ZNF25: variants seen among roughly 807,000 people sequenced by gnomAD.
The protein encoded by ZNF25 is zinc finger protein 25.
Under a neutral mutation model 30.9 loss-of-function variants are expected in ZNF25, and 21 were observed. The observed-to-expected ratio is 0.68, with a 90% confidence interval of 0.48 to 0.98. The LOEUF is 0.98. ZNF25 is among the 50% of genes least tolerant of loss of function. The probability of loss-of-function intolerance (pLI) is 0.00; values close to 1 mark genes in which losing one functional copy is unlikely to be tolerated. For synonymous variants in ZNF25, 169 were observed against 181.3 expected (o/e 0.93, Z 0.55); for missense variants, 501 against 529.9 (o/e 0.95, Z 0.54).
rs2062233740 is a variant in ZNF25, at chr10:37,952,697, A to G, written c.801T>C (p.Phe267=). The change falls in exon 6 of 6, where the codon TTT becomes TTC. Residue 267 remains phenylalanine (F), a synonymous_variant. Coordinates refer to ENST00000302609, the MANE Select transcript of ZNF25 (RefSeq NM_145011.4). ...GTACTGTGAGGTGTGACTTCTGGGA[A>G]AAGGCTTTCCCACACTCCTTACACT... ...PYECKECGKA[F]SQKSHLTVHQ... is the part of the protein sequence containing the mutation. 1 of 1,609,538 alleles carries G rather than the reference A, an allele frequency of 6.2e-7. No homozygotes were observed. Among genetic ancestry groups the G allele is most frequent in the African/African-American group, 1.4e-5 (1 of 73,338 alleles).
chr10:37,963,234 C>A (rs965656171), intron 2 of ZNF25, among the ~76,000 whole-genome samples: 1 of 151,936 alleles, frequency 6.6e-6, no homozygotes, highest in African/African-American at 2.4e-5. Context: ...GCACTTCCCC[C>A]GCCCCAGGCT....
intron 1 of ZNF25, among the ~76,000 whole-genome samples, chr10:37,973,392 G>GA (rs1427230060): frequency 6.6e-6 from 1 of 151,864 alleles, no homozygotes; most frequent in East Asian, 1.9e-4. Flanking sequence ...TAGGCAGGTG[G>GA]ATCACCTGAG....
At chr10:37,967,569 C>G (rs956880254) in intron 2 of ZNF25, among the ~76,000 whole-genome samples, 1 of 152,062 alleles carries the variant, frequency 6.6e-6, no homozygotes, top group African/African-American at 2.4e-5. Flanking sequence ...CACCACCCAC[C>G]TGGCTAATTT....
rs772633315 is a variant in ZNF25, at chr10:37,949,797, G to A, written c.*2330C>T. 6.6e-6 allele frequency: 1 copy of A among 152,562 alleles called. No homozygotes were observed. The highest frequency in any genetic ancestry group is 2.4e-5 in the African/African-American group (1 of 41,438). 9.5% of individuals were successfully genotyped at this position (152,562 alleles called of 1,614,324 possible). On this transcript the variant is annotated 3_prime_UTR_variant, in exon 6 of 6. Coordinates refer to ENST00000302609, the MANE Select transcript of ZNF25 (RefSeq NM_145011.4). ...AAAGAAAATTATAAAATGATACAGG[G>A]AAAACTGGCCATTGATTTGGGAGAA... is the stretch of plus-strand genomic sequence containing the variant.
At chr10:37,966,553 G>T (rs1200339716) in intron 2 of ZNF25, among the ~76,000 whole-genome samples, 1 of 152,190 alleles carries the variant, frequency 6.6e-6, no homozygotes, top group East Asian at 1.9e-4. Flanking sequence ...AGAAGGTGAA[G>T]GAGAAGTTGG....
At chr10:37,959,831 A>C (rs188133948) in intron 2 of ZNF25, among the ~76,000 whole-genome samples, 9 of 151,872 alleles carry the variant, frequency 5.9e-5, no homozygotes, top group African/African-American at 1.2e-4. Context: ...GCTGGTCTCG[A>C]ACTCCTGACC....
chr10:37,976,296 C>T (rs913045520), intron 1 of ZNF25, among the ~76,000 whole-genome samples: 7 of 152,194 alleles, frequency 4.6e-5, no homozygotes, highest in Non-Finnish European at 1.0e-4. Context: ...GCGCCCACTG[C>T]CCAGCACCGC....
intron 2 of ZNF25, among the ~76,000 whole-genome samples, chr10:37,957,829 A>T (rs376299980): frequency 6.6e-6 from 1 of 152,256 alleles, no homozygotes; most frequent in East Asian, 1.9e-4. Flanking sequence ...GACAAATTCC[A>T]TATATGATGA....
chr10:37,963,565 T>C (rs761769276), intron 2 of ZNF25, among the ~76,000 whole-genome samples: 8 of 152,014 alleles, frequency 5.3e-5, no homozygotes, highest in South Asian at 2.1e-4. Context: ...AGTGTGGGAG[T>C]TGGGGACTGG....
intron 1 of ZNF25, among the ~76,000 whole-genome samples, chr10:37,975,128 A>G (rs184757211): frequency 6.6e-6 from 1 of 152,258 alleles, no homozygotes; most frequent in Admixed American, 6.5e-5. Context: ...GGAGTGAGGA[A>G]TGAAGAGAGG....
In ZNF25 at chr10:37,957,057, C is replaced by A; in HGVS notation, c.201G>T (p.Trp67Cys). 1.2e-6 allele frequency: 2 copies of A among 1,614,094 alleles called. No individual in the cohort carries two copies. Among genetic ancestry groups the A allele is most frequent in the Non-Finnish European group, 1.7e-6 (2 of 1,180,014 alleles). Residue 67 changes from tryptophan to cysteine, a missense_variant, in exon 4 of 6, where the codon TGG (tryptophan) becomes TGT (cysteine). Coordinates refer to ENST00000302609, the MANE Select transcript of ZNF25 (RefSeq NM_145011.4). The part of the protein sequence containing the change: ...VFKLKQGKEP[W>C]ILEVEFPHRG... ...GATGTGGAAATTCTACTTCTAATAT[C>A]CATGGCTCTTTTCCTTGCTTCAACT...
rs915930946 is a variant in ZNF25, at chr10:37,958,866, G to A, written c.16-1320C>T. The stretch of plus-strand genomic sequence containing the variant: ...AGTTTGAGACCAGCCTGGCCAACAC[G>A]GCAAATCCCCATCTCTACTAAAAAA... On this transcript the variant is annotated intron_variant, in intron 2 of 5. Coordinates refer to ENST00000302609, the MANE Select transcript of ZNF25 (RefSeq NM_145011.4). Among the ~76,000 whole-genome samples the A allele has an allele frequency of 2.6e-5, 4 of 152,082 alleles. No homozygotes were observed. The East Asian group carries it at 5.8e-4, about 22-fold the overall frequency.
intron 4 of ZNF25, among the ~76,000 whole-genome samples, chr10:37,955,561 G>C (rs2062463140): frequency 6.6e-6 from 1 of 152,144 alleles, no homozygotes; most frequent in African/African-American, 2.4e-5. Context: ...TCAATTTTAG[G>C]AATCCTTATC....
rs2062078148 is a variant in ZNF25, at chr10:37,950,318, TA to T, written c.*1808del. On this transcript the variant is annotated 3_prime_UTR_variant, in exon 6 of 6. Coordinates refer to ENST00000302609, the MANE Select transcript of ZNF25 (RefSeq NM_145011.4). ...TGGACACTGAAATTTGAATATCATATAATTTTCATGTGTCACAATATTCTTT... is the reference window on the plus strand; with the variant it reads ...TGGACACTGAAATTTGAATATCATATATTTTCATGTGTCACAATATTCTTT... The T allele has an allele frequency of 6.6e-6, 1 of 152,458 alleles. No homozygotes were observed. Among genetic ancestry groups the T allele is most frequent in the Admixed American group, 6.5e-5 (1 of 15,276 alleles). The allele number at this position is 152,458 out of a possible 1,614,324, so 9.4% of individuals were successfully genotyped here.
intron 4 of ZNF25, among the ~76,000 whole-genome samples, chr10:37,955,950 T>C (rs915392008): frequency 2.2e-4 from 34 of 152,322 alleles, no homozygotes; most frequent in Non-Finnish European, 3.5e-4. Context: ...CCCAAAGTGC[T>C]GGGATTACAG....
intron 4 of ZNF25, among the ~76,000 whole-genome samples, 157 bp from the exon 5 acceptor site, chr10:37,953,915 C>T (rs183027669): frequency 1.3e-5 from 2 of 152,292 alleles, no homozygotes; most frequent in Non-Finnish European, 2.9e-5. Flanking sequence ...CTAAAACAAA[C>T]ACTGAAAACT....
intron 1 of ZNF25, among the ~76,000 whole-genome samples, chr10:37,975,315 G>T (rs2063741555): frequency 6.6e-6 from 1 of 151,484 alleles, no homozygotes; most frequent in African/African-American, 2.4e-5. Context: ...TAATTACCCC[G>T]ATTTGATCAT....
rs763196042 is a variant in ZNF25, at chr10:37,952,348, C to G, written c.1150G>C (p.Val384Leu). Reference sequence around the variant, plus strand: ...TGAGTCCTTTGATGTAATCTGAGGACTGAATTCACAGCAAAAGATTTGCCA... The same window carrying G: ...TGAGTCCTTTGATGTAATCTGAGGAGTGAATTCACAGCAAAAGATTTGCCA... ...ECGKSFAVNS[V>L]LRLHQRTHTG... Residue 384 changes from valine to leucine, a missense_variant, in exon 6 of 6, where the codon GTC becomes CTC. By Grantham distance (32) the Val-to-Leu change is conservative (BLOSUM62 1). Transcript: ENST00000302609. 1.9e-6 allele frequency: 3 copies of G among 1,613,146 alleles called. No individual in the cohort carries two copies. The Admixed American group carries it at 5.0e-5, about 27-fold the overall frequency.
chr10:37,963,258 G>C (rs1355220178), intron 2 of ZNF25, among the ~76,000 whole-genome samples: 1 of 152,078 alleles, frequency 6.6e-6, no homozygotes, highest in Non-Finnish European at 1.5e-5. Flanking sequence ...AAGTAGCTGG[G>C]ATTACAGGTG....
Sources: gnomAD v4.1 joint callset for allele counts (sites outside exome capture counted in the v4.1 genomes callset) on GRCh38, gnomAD v4.1.1 for gene constraint, MANE v1.5 for transcripts, NCBI Gene and HGNC (gene_info 2026-07-23, HGNC 2026-07-21) for gene names.